Variants in TRIM2 observed in about 807,000 individuals in gnomAD.
TRIM2 encodes the protein tripartite motif containing 2.
In TRIM2, 20 loss-of-function variants were observed where a neutral mutation model predicts 75.2. The observed-to-expected ratio is 0.27, with a 90% CI of 0.19 to 0.39. The LOEUF (loss-of-function observed/expected upper bound fraction) is 0.39. Ranked by LOEUF, TRIM2 falls within the 10% of genes least tolerant of loss-of-function variation. The probability of loss-of-function intolerance (pLI) is 1.00; values close to 1 mark genes in which losing one functional copy is unlikely to be tolerated. For synonymous variants in TRIM2, 373 were observed against 388.3 expected (o/e 0.96, Z 0.46); for missense variants, 660 against 990.8 (o/e 0.67, Z 4.48).
chr4:153,207,280 G>T (rs543067828), intron 1 of TRIM2, among the ~76,000 whole-genome samples: 1 of 152,190 alleles, frequency 6.6e-6, no homozygotes, highest in Non-Finnish European at 1.5e-5. Context: ...AGGCCTATGC[G>T]GTGCGGTGGC....
In TRIM2 at chr4:153,335,125, A is replaced by T; in HGVS notation, c.*159A>T. On this transcript the variant is annotated 3_prime_UTR_variant, in exon 12 of 12. Coordinates refer to ENST00000338700, the MANE Select transcript of TRIM2 (RefSeq NM_015271.5). ...GAATGTAACAATTTCCTTAAAAATG[A>T]CTTATCCAATTTCTGTATTTCACCT... 7.7e-7 allele frequency: 1 copy of T among 1,295,154 alleles called. No homozygotes were observed. Among genetic ancestry groups the T allele is most frequent in the Non-Finnish European group, 9.8e-7 (1 of 1,017,908 alleles). 80.2% of individuals were successfully genotyped at this position (1,295,154 alleles called of 1,614,324 possible).
At chr4:153,270,248 G>A in intron 1 of TRIM2, 87 bp from the exon 2 acceptor site, 1 of 1,487,342 alleles carries the variant, frequency 6.7e-7, no homozygotes, top group African/African-American at 1.4e-5. Flanking sequence ...TTTACTTATA[G>A]CACAATGCTT....
intron 1 of TRIM2, among the ~76,000 whole-genome samples, chr4:153,227,439 T>A (rs949208196): frequency 2.0e-5 from 3 of 152,184 alleles, no homozygotes; most frequent in African/African-American, 7.2e-5. Context: ...GTCTCTTTAA[T>A]CGCCAAAATA....
intron 1 of TRIM2, among the ~76,000 whole-genome samples, chr4:153,179,901 G>A (rs1265735094): frequency 6.6e-6 from 1 of 152,154 alleles, no homozygotes. Flanking sequence ...CCCTCCAGAC[G>A]GAGGACAATC....
intron 1 of TRIM2, among the ~76,000 whole-genome samples, chr4:153,153,944 C>A (rs532824475): frequency 5.2e-4 from 79 of 152,226 alleles, no homozygotes; most frequent in Non-Finnish European, 9.4e-4. Context: ...TCAATTCCCT[C>A]CTTTCTCCCC....
chr4:153,297,941 A>C (rs973065997), intron 6 of TRIM2, among the ~76,000 whole-genome samples: 1 of 152,062 alleles, frequency 6.6e-6, no homozygotes, highest in Admixed American at 6.5e-5. Flanking sequence ...CTAAGATTTT[A>C]CTCTTGTTAT....
At chr4:153,285,260 T>C (rs1760336553) in intron 3 of TRIM2, among the ~76,000 whole-genome samples, 1 of 152,250 alleles carries the variant, frequency 6.6e-6, no homozygotes, top group Non-Finnish European at 1.5e-5. Context: ...TATGGGCTTC[T>C]TTCTGTACTT....
intron 1 of TRIM2, among the ~76,000 whole-genome samples, chr4:153,189,850 G>A (rs780995020): frequency 3.9e-5 from 6 of 152,216 alleles, no homozygotes; most frequent in Non-Finnish European, 8.8e-5. Flanking sequence ...TTCTTTAGAA[G>A]TGACATTTCA....
At chr4:153,161,421 T>C (rs1031890179) in intron 1 of TRIM2, among the ~76,000 whole-genome samples, 2 of 152,208 alleles carry the variant, frequency 1.3e-5, no homozygotes, top group African/African-American at 4.8e-5. Context: ...TATCCTCGTT[T>C]TAGAGATGAG....
intron 1 of TRIM2, among the ~76,000 whole-genome samples, chr4:153,170,263 A>C (rs997488488): frequency 6.6e-6 from 1 of 152,354 alleles, no homozygotes; most frequent in African/African-American, 2.4e-5. Flanking sequence ...GTTAATCTAC[A>C]TTGACAAATT....
chr4:153,156,937 T>G (rs1039900226), intron 1 of TRIM2: 1 of 152,310 alleles, frequency 6.6e-6, no homozygotes, highest in Non-Finnish European at 1.5e-5. Flanking sequence ...GGAAGGCAGA[T>G]CACCTGCCTC....
chr4:153,218,798 G>A (rs1407710016), intron 1 of TRIM2, among the ~76,000 whole-genome samples: 3 of 152,136 alleles, frequency 2.0e-5, no homozygotes, highest in Admixed American at 6.6e-5. Flanking sequence ...GGATTGTGGT[G>A]TAGAAATTGT....
At chr4:153,199,472 A>G (rs537582265), upstream of TRIM2, among the ~76,000 whole-genome samples, 4 of 152,340 alleles carry the variant, frequency 2.6e-5, no homozygotes, top group Admixed American at 2.6e-4. Context: ...TATTAGTACT[A>G]TAACGAATCT....
intron 6 of TRIM2, among the ~76,000 whole-genome samples, chr4:153,313,984 TTC>T (rs1044066502): frequency 6.6e-6 from 1 of 152,088 alleles, no homozygotes; most frequent in African/African-American, 2.4e-5. Flanking sequence ...TGAAGAATGG[TTC>T]TCTCTCTCTA....
At chr4:153,243,667 G>A (rs1747263164) in intron 1 of TRIM2, among the ~76,000 whole-genome samples, 1 of 152,166 alleles carries the variant, frequency 6.6e-6, no homozygotes, top group Non-Finnish European at 1.5e-5. Context: ...CCCTTACTAA[G>A]TCAGAGGGTA....
intron 1 of TRIM2, among the ~76,000 whole-genome samples, chr4:153,215,461 C>T (rs1738213476): frequency 6.6e-6 from 1 of 151,756 alleles, no homozygotes; most frequent in Admixed American, 6.6e-5. Context: ...TTTTTGTGGG[C>T]TGATCTGGGC....
chr4:153,275,789 G>A (rs1757884453), intron 2 of TRIM2, 104 bp from the exon 3 acceptor site: 2 of 1,081,390 alleles, frequency 1.8e-6, no homozygotes, highest in South Asian at 1.5e-5. Context: ...TGGGATGGGA[G>A]TTTCTGCCAA....
chr4:153,198,233 G>A (rs552434931), intron 1 of TRIM2, among the ~76,000 whole-genome samples: 52 of 152,230 alleles, frequency 3.4e-4, no homozygotes, highest in South Asian at 3.1e-3. Context: ...ATATGGTTTG[G>A]CTGTGACCCC....
chr4:153,222,780 CCGCT>C (rs1316978829), intron 1 of TRIM2: 1 of 152,264 alleles, frequency 6.6e-6, no homozygotes, highest in Non-Finnish European at 1.5e-5. Context: ...ACTACTTGAG[CCGCT>C]CGCTCAGAAA....
Sources: allele counts gnomAD v4.1 joint callset (sites outside exome capture counted in the v4.1 genomes callset), GRCh38; gene constraint gnomAD v4.1.1; transcripts MANE v1.5; gene names NCBI Gene and HGNC (gene_info 2026-07-23, HGNC 2026-07-21).